Variants in PTPRD observed in about 807,000 individuals in gnomAD.
PTPRD encodes the protein receptor-type tyrosine-protein phosphatase delta.
In PTPRD, 34 loss-of-function variants were observed where a neutral mutation model predicts 214.5. The observed-to-expected ratio is 0.16, with a 90% CI of 0.12 to 0.21. The LOEUF (loss-of-function observed/expected upper bound fraction) is 0.21, where lower values mean the gene tolerates loss of function less well. Ranked by LOEUF, PTPRD falls within the 10% of genes least tolerant of loss-of-function variation. PTPRD has a pLI of 1.00. For missense variants in PTPRD, 2,545 were observed against 2,398.7 expected (o/e 1.06, Z -1.27); for synonymous variants, 1,128 against 845.7 (o/e 1.33, Z -5.79).
At chr9:9,159,030 T>C (rs188916146) in intron 10 of PTPRD, among the ~76,000 whole-genome samples, 1 of 152,262 alleles carries the variant, frequency 6.6e-6, no homozygotes, top group East Asian at 1.9e-4. Flanking sequence ...TAAAATCTAA[T>C]AGACAAAGTA....
At chr9:9,824,676 G>A (rs2052063308) in intron 5 of PTPRD, among the ~76,000 whole-genome samples, 1 of 151,912 alleles carries the variant, frequency 6.6e-6, no homozygotes, top group Admixed American at 6.6e-5. Context: ...ATCAAAACAT[G>A]TTTTTATTGT....
intron 11 of PTPRD, among the ~76,000 whole-genome samples, chr9:8,744,457 T>C (rs750717081): frequency 3.3e-5 from 5 of 152,146 alleles, no homozygotes; most frequent in African/African-American, 4.8e-5. Context: ...CCACGGAATA[T>C]GACTAAGCCA....
At chr9:8,694,104 C>T (rs1197065829) in intron 12 of PTPRD, among the ~76,000 whole-genome samples, 1 of 152,122 alleles carries the variant, frequency 6.6e-6, no homozygotes. Flanking sequence ...GATGTGAAAA[C>T]ATGATTTAAC....
chr9:9,789,252 C>T (rs531408714), intron 5 of PTPRD, among the ~76,000 whole-genome samples: 15 of 152,066 alleles, frequency 9.9e-5, no homozygotes, highest in Non-Finnish European at 1.9e-4. Flanking sequence ...TAATATACAT[C>T]CAAGGTAAGC....
chr9:9,682,879 GA>G (rs973540600), intron 7 of PTPRD, among the ~76,000 whole-genome samples: 3 of 151,670 alleles, frequency 2.0e-5, no homozygotes, highest in African/African-American at 7.3e-5. Flanking sequence ...TATTTACAGG[GA>G]AAAAGAGAGT....
At chr9:9,417,562 G>C (rs1463148764) in intron 8 of PTPRD, among the ~76,000 whole-genome samples, 3 of 152,026 alleles carry the variant, frequency 2.0e-5, no homozygotes, top group African/African-American at 4.8e-5. Context: ...ATCATATTTA[G>C]TTTGAACTCA....
At chr9:10,124,621 T>C (rs960870063) in intron 3 of PTPRD, among the ~76,000 whole-genome samples, 4 of 152,220 alleles carry the variant, frequency 2.6e-5, no homozygotes, top group African/African-American at 4.8e-5. Context: ...CTATACATTG[T>C]AATTTTTTGT....
intron 9 of PTPRD, among the ~76,000 whole-genome samples, chr9:9,221,917 C>A (rs1397402179): frequency 2.6e-5 from 4 of 151,960 alleles, no homozygotes; most frequent in Non-Finnish European, 5.9e-5. Flanking sequence ...CTCTGAAACC[C>A]CACCCTAGAC....
chr9:8,552,218 A>G (rs1333789917), intron 14 of PTPRD, among the ~76,000 whole-genome samples: 1 of 152,180 alleles, frequency 6.6e-6, no homozygotes, highest in Non-Finnish European at 1.5e-5. Flanking sequence ...CCCCATTTAT[A>G]TACAAAACTG....
intron 11 of PTPRD, among the ~76,000 whole-genome samples, chr9:8,904,917 C>T (rs1361270916): frequency 6.6e-6 from 1 of 152,104 alleles, no homozygotes; most frequent in Non-Finnish European, 1.5e-5. Flanking sequence ...CTGAAATGAG[C>T]ATGTTTGGAC....
At chr9:8,515,811 AAT>A (rs1280080565) in intron 21 of PTPRD, among the ~76,000 whole-genome samples, 2 of 152,156 alleles carry the variant, frequency 1.3e-5, no homozygotes, top group Admixed American at 1.3e-4. Context: ...ACTGTGAGAC[AAT>A]AGATTCCCGT....
chr9:9,617,197 A>G (rs1564084177), intron 7 of PTPRD, among the ~76,000 whole-genome samples: 2 of 152,222 alleles, frequency 1.3e-5, no homozygotes, highest in Admixed American at 6.5e-5. Context: ...TTAGAAATAT[A>G]TATCTACAGA....
At chr9:9,673,307 C>G (rs1187219086) in intron 7 of PTPRD, among the ~76,000 whole-genome samples, 4 of 151,848 alleles carry the variant, frequency 2.6e-5, no homozygotes, top group Non-Finnish European at 5.9e-5. Flanking sequence ...GTTTCATTCA[C>G]CATGATATAC....
intron 12 of PTPRD, among the ~76,000 whole-genome samples, chr9:8,690,714 A>G (rs1420982328): frequency 6.6e-6 from 1 of 152,166 alleles, no homozygotes; most frequent in Non-Finnish European, 1.5e-5. Flanking sequence ...AAAAATGTAG[A>G]GAAAAGACAT....
intron 5 of PTPRD, among the ~76,000 whole-genome samples, chr9:9,852,408 T>C (rs1047645223): frequency 1.3e-5 from 2 of 151,928 alleles, no homozygotes; most frequent in African/African-American, 4.8e-5. Context: ...GGATAAATGC[T>C]AGTAGCAGAC....
intron 11 of PTPRD, among the ~76,000 whole-genome samples, chr9:8,972,375 G>C (rs1203973182): frequency 1.3e-5 from 2 of 151,812 alleles, no homozygotes; most frequent in Non-Finnish European, 2.9e-5. Context: ...TGATTCAAAG[G>C]ATTTTTCCCC....
intron 4 of PTPRD, among the ~76,000 whole-genome samples, chr9:9,984,821 G>T (rs2095654788): frequency 6.6e-6 from 1 of 152,098 alleles, no homozygotes; most frequent in South Asian, 2.1e-4. Context: ...ATGTCAGGAG[G>T]ACAGTGCATT....
At chr9:8,581,911 T>C (rs2093167055) in intron 14 of PTPRD, among the ~76,000 whole-genome samples, 6 of 11,766 alleles carry the variant, frequency 5.1e-4, no homozygotes, top group African/African-American at 1.5e-3. Flanking sequence ...TGACTCAATC[T>C]CCAAAAAAAA....
chr9:9,941,328 A>C (rs1337315574), intron 4 of PTPRD, among the ~76,000 whole-genome samples: 1 of 152,088 alleles, frequency 6.6e-6, no homozygotes, highest in Non-Finnish European at 1.5e-5. Context: ...ATGAAGAAAT[A>C]TGTGTATCTT....
Sources: gnomAD v4.1 joint callset for allele counts (sites outside exome capture counted in the v4.1 genomes callset) on GRCh38, gnomAD v4.1.1 for gene constraint, MANE v1.5 for transcripts, NCBI Gene and HGNC (gene_info 2026-07-23, HGNC 2026-07-21) for gene names.